The following SCUBE1 variants were observed in gnomAD, a reference collection of about 807,000 sequenced individuals.
The protein encoded by SCUBE1 is signal peptide, CUB domain and EGF like domain containing 1.
Under a neutral mutation model 124.4 loss-of-function variants are expected in SCUBE1, and 59 were observed. The observed-to-expected ratio is 0.47, with a 90% CI of 0.38 to 0.59. The LOEUF is 0.59. Ranked by LOEUF, SCUBE1 falls within the 20% of genes least tolerant of loss-of-function variation. SCUBE1 has a pLI of 0.00. For synonymous variants in SCUBE1, 545 were observed against 550.9 expected (o/e 0.99, Z 0.15); for missense variants, 1,150 against 1,371.2 (o/e 0.84, Z 2.55).
chr22:43,208,158 G>T lies in SCUBE1; in HGVS notation c.2648C>A (p.Ser883Tyr). The T allele has an allele frequency of 6.2e-7, 1 of 1,614,138 alleles. No homozygotes were observed. Among genetic ancestry groups the T allele is most frequent in the East Asian group, 2.2e-5 (1 of 44,880 alleles). ...CTGGATCCAGAGCTTGCGGGAGCGG[G>T]AGGTGAAGGCGATGGGCCTCTCGTA... is the stretch of plus-strand genomic sequence containing the variant. ...QTYERPIAFT[S>Y]RSRKLWIQFK... Residue 883 changes from serine to tyrosine, a missense_variant, in exon 20 of 22, where the codon TCC becomes TAC. Ser to Tyr is a moderately radical substitution (Grantham distance 144). Around this residue, in one of 3 missense-constraint regions of SCUBE1, gnomAD observed 757 missense variants for 840.9 expected, o/e 0.90. Coordinates refer to ENST00000360835, the MANE Select transcript of SCUBE1 (RefSeq NM_173050.5).
chr22:43,260,743 T>C (rs1161856489), intron 5 of SCUBE1, among the ~76,000 whole-genome samples: 1 of 151,962 alleles, frequency 6.6e-6, no homozygotes, highest in Non-Finnish European at 1.5e-5. Context: ...ACGGAGAGGG[T>C]GGGACTGCTG....
chr22:43,229,216 G>A (rs1175433877), intron 8 of SCUBE1, 28 bp from the exon 9 acceptor site: 3 of 1,501,784 alleles, frequency 2.0e-6, no homozygotes, highest in African/African-American at 2.8e-5. Context: ...GACAAAGTTG[G>A]GGGAGGAGTT....
chr22:43,258,139 G>T lies in SCUBE1; in HGVS notation c.727+80C>A. Reference sequence around the variant, plus strand: ...TTCCGGGGAACCCGGACGTGGCAGGGTGCTGGCCCTGCTGGTGCACGCATG... The same window carrying T: ...TTCCGGGGAACCCGGACGTGGCAGGTTGCTGGCCCTGCTGGTGCACGCATG... On this transcript the variant is annotated intron_variant, in intron 6 of 21. Coordinates refer to ENST00000360835, the MANE Select transcript of SCUBE1 (RefSeq NM_173050.5). The surrounding 1 kb of genome is among the most constrained non-coding windows in gnomAD (Gnocchi z 5.0). 2 of 979,744 alleles carry T rather than the reference G, an allele frequency of 2.0e-6. No individual in the cohort carries two copies. Among genetic ancestry groups the T allele is most frequent in the Non-Finnish European group, 3.3e-6 (2 of 614,036 alleles). The allele number at this position is 979,744 out of a possible 1,614,324, so 60.7% of individuals were successfully genotyped here.
chr22:43,335,344 G>T (rs1437845244), intron 2 of SCUBE1, among the ~76,000 whole-genome samples: 1 of 152,148 alleles, frequency 6.6e-6, no homozygotes, highest in African/African-American at 2.4e-5. Flanking sequence ...GATTCAAATT[G>T]ATGACTGTAA....
rs765713132 is a variant in SCUBE1, at chr22:43,339,165, C to T, written c.159G>A (p.Thr53=). The T allele has an allele frequency of 1.3e-5, 21 of 1,613,802 alleles. No homozygotes were observed. In the Admixed American group the frequency reaches 1.5e-4, roughly 12 times the overall value. Reference sequence around the variant, plus strand: ...TGCAGAGGCATTTGTAGGACTTGGGCGTGTTCTGACAGATGGCATCGATGT... The same window carrying T: ...TGCAGAGGCATTTGTAGGACTTGGGTGTGTTCTGACAGATGGCATCGATGT... ...DCHIDAICQN[T]PKSYKCLCKP... Residue 53 remains threonine (T), a synonymous_variant, in exon 2 of 22, where the codon ACG becomes ACA. Transcript: ENST00000360835.
chr22:43,292,603 G>C (rs1165599711), intron 3 of SCUBE1, among the ~76,000 whole-genome samples: 1 of 88,974 alleles, frequency 1.1e-5, no homozygotes, highest in Non-Finnish European at 2.3e-5. Context: ...ACACTCTTCG[G>C]TGTTGAGCTT....
At chr22:43,339,711 CCCA>C (rs1440329435) in intron 1 of SCUBE1, among the ~76,000 whole-genome samples, 1 of 136,974 alleles carries the variant, frequency 7.3e-6, no homozygotes, top group African/African-American at 2.8e-5. Flanking sequence ...CCAACCCTCC[CCCA>C]CTCTCCTCAT....
intron 2 of SCUBE1, among the ~76,000 whole-genome samples, chr22:43,338,192 A>G (rs1310739305): frequency 6.6e-6 from 1 of 152,196 alleles, no homozygotes; most frequent in Non-Finnish European, 1.5e-5. Flanking sequence ...AAAGGTTCCA[A>G]TGGGCTTGCA....
At chr22:43,249,885 C>G (rs114190611) in intron 6 of SCUBE1, among the ~76,000 whole-genome samples, 1 of 152,136 alleles carries the variant, frequency 6.6e-6, no homozygotes, top group Non-Finnish European at 1.5e-5. Context: ...CCAGGGGAAG[C>G]CTGGGACTCC....
chr22:43,225,376 C>T (rs1038686652), intron 10 of SCUBE1, among the ~76,000 whole-genome samples: 7 of 152,022 alleles, frequency 4.6e-5, no homozygotes, highest in Non-Finnish European at 7.3e-5. Flanking sequence ...TTCAGGATAT[C>T]GCTGGATAGT....
At chr22:43,339,328 C>T (rs1357978483) in intron 1 of SCUBE1, 93 bp from the exon 2 acceptor site, 19 of 1,297,652 alleles carry the variant, frequency 1.5e-5, no homozygotes, top group Non-Finnish European at 2.0e-5. Flanking sequence ...TTGCCTTTGC[C>T]CGTCCATTGA....
intron 2 of SCUBE1, among the ~76,000 whole-genome samples, chr22:43,335,792 G>A (rs1465477066): frequency 6.8e-6 from 1 of 147,754 alleles, no homozygotes; most frequent in Non-Finnish European, 1.5e-5. Flanking sequence ...TGGTGATGGT[G>A]ATGATGATGG....
intron 3 of SCUBE1, among the ~76,000 whole-genome samples, chr22:43,312,282 G>C (rs528557882): frequency 6.6e-6 from 1 of 152,374 alleles, no homozygotes; most frequent in East Asian, 1.9e-4. Flanking sequence ...CCATGACACA[G>C]AGCTGCAGTG....
chr22:43,327,078 C>A (rs924376368), intron 2 of SCUBE1, among the ~76,000 whole-genome samples: 1 of 152,200 alleles, frequency 6.6e-6, no homozygotes, highest in African/African-American at 2.4e-5. Context: ...CAAAGGCATC[C>A]TCTGGGCATT....
intron 6 of SCUBE1, among the ~76,000 whole-genome samples, chr22:43,257,153 C>A (rs768350836): frequency 2.3e-4 from 35 of 152,376 alleles, no homozygotes; most frequent in Non-Finnish European, 4.4e-4. Context: ...CTGGTGCCCG[C>A]TCGGGCCCTG....
intron 8 of SCUBE1, among the ~76,000 whole-genome samples, chr22:43,230,616 C>G (rs867900330): frequency 2.0e-5 from 3 of 152,230 alleles, no homozygotes; most frequent in African/African-American, 4.8e-5. Context: ...AAGTCAAAGT[C>G]AGAAGAACCC....
In SCUBE1 at chr22:43,208,146, T is replaced by C. The variant is rs200014728; in HGVS notation, c.2660A>G (p.Lys887Arg). 3.1e-6 allele frequency: 5 copies of C among 1,614,132 alleles called. No homozygotes were observed. Among genetic ancestry groups the C allele is most frequent in the Non-Finnish European group, 3.4e-6 (4 of 1,180,012 alleles). Reference protein sequence around the residue: ...RPIAFTSRSRKLWIQFKSNEG... With the variant: ...RPIAFTSRSRRLWIQFKSNEG... ...ATTGGATTTGAACTGGATCCAGAGC[T>C]TGCGGGAGCGGGAGGTGAAGGCGAT... Residue 887 changes from lysine (K) to arginine (R), a missense_variant, in exon 20 of 22, where the codon AAG becomes AGG. Around this residue, in one of 3 missense-constraint regions of SCUBE1, gnomAD observed 757 missense variants for 840.9 expected, o/e 0.90. Transcript: ENST00000360835.
rs892966732 is a variant in SCUBE1 at position 43,202,249 on chromosome 22, G to T, written c.*1748C>A. 1 of 152,226 alleles carries T rather than the reference G, an allele frequency of 6.6e-6. No homozygotes were observed. Among genetic ancestry groups the T allele is most frequent in the African/African-American group, 2.4e-5 (1 of 41,450 alleles). 9.4% of individuals were successfully genotyped at this position (152,226 alleles called of 1,614,324 possible). The stretch of plus-strand genomic sequence containing the variant: ...CCCTGAACCTCCAGGGACCTCACTT[G>T]GCTGCCTCCATCTGTGTGGTCCTCA... On this transcript the variant is annotated 3_prime_UTR_variant, in exon 22 of 22. Coordinates refer to ENST00000360835, the MANE Select transcript of SCUBE1 (RefSeq NM_173050.5).
At chr22:43,205,314 C>T (rs1054933345) in intron 21 of SCUBE1, among the ~76,000 whole-genome samples, 1 of 152,062 alleles carries the variant, frequency 6.6e-6, no homozygotes, top group Non-Finnish European at 1.5e-5. Context: ...CAGTCCCCGC[C>T]CTCTCTGAGC....
Sources: gnomAD v4.1 joint callset for allele counts (sites outside exome capture counted in the v4.1 genomes callset) on GRCh38, gnomAD v4.1.1 for gene constraint, gnomAD v4.1.1 regional missense constraint, Gnocchi (gnomAD v3.1) non-coding constraint, MANE v1.5 for transcripts, NCBI Gene and HGNC (gene_info 2026-07-23, HGNC 2026-07-21) for gene names.